The following BABAM2 variants were observed in gnomAD, a reference collection of about 807,000 sequenced individuals.
BABAM2 encodes BRISC and BRCA1 A complex member 2.
BABAM2 carries 31 observed loss-of-function variants against 54.7 expected under a neutral mutation model. The observed-to-expected ratio is 0.57, with a 90% CI of 0.43 to 0.77. BABAM2 has a LOEUF of 0.77. Ranked by LOEUF, BABAM2 falls within the 30% of genes least tolerant of loss-of-function variation. BABAM2 has a pLI of 0.00. For synonymous variants in BABAM2, 167 were observed against 162.9 expected (o/e 1.03, Z -0.19); for missense variants, 364 against 455.8 (o/e 0.80, Z 1.83).
intron 7 of BABAM2, among the ~76,000 whole-genome samples, chr2:28,213,055 T>C (rs989817050): frequency 1.3e-5 from 2 of 152,022 alleles, no homozygotes. Flanking sequence ...AGACCCTGTC[T>C]CTACAAACAA....
chr2:28,245,748 T>C (rs1226164586), intron 10 of BABAM2, among the ~76,000 whole-genome samples: 1 of 152,170 alleles, frequency 6.6e-6, no homozygotes, highest in African/African-American at 2.4e-5. Flanking sequence ...CCCATGGCTT[T>C]TAGAACTTAC....
At chr2:27,897,236 T>C (rs917505186) in intron 2 of BABAM2, 1 of 151,526 alleles carries the variant, frequency 6.6e-6, no homozygotes, top group South Asian at 2.1e-4. Flanking sequence ...TTCTCCTTGT[T>C]AGACTGTTTT....
upstream of BABAM2, chr2:27,890,333 C>A (rs901583294): frequency 1.2e-6 from 2 of 1,613,600 alleles, no homozygotes; most frequent in South Asian, 2.2e-5. This position sits in a 1 kb window ranked among gnomAD's most constrained non-coding sequence, Gnocchi z 4.8. Context: ...TGGGGTTCCC[C>A]AGACGCCGCC....
intron 5 of BABAM2, among the ~76,000 whole-genome samples, chr2:28,043,187 G>A (rs1377195791): frequency 2.7e-5 from 4 of 150,218 alleles, no homozygotes; most frequent in Admixed American, 2.6e-4. Context: ...AGAGTGCAGT[G>A]GTGTGATCTT....
At chr2:28,219,912 T>G (rs1680242479) in intron 7 of BABAM2, among the ~76,000 whole-genome samples, 1 of 152,038 alleles carries the variant, frequency 6.6e-6, no homozygotes, top group African/African-American at 2.4e-5. Flanking sequence ...GGGACTTTGG[T>G]GAGAAAAATC....
At chr2:27,960,853 A>G (rs943939847) in intron 3 of BABAM2, among the ~76,000 whole-genome samples, 2 of 152,220 alleles carry the variant, frequency 1.3e-5, no homozygotes, top group Admixed American at 6.5e-5. Context: ...TTATCATACA[A>G]TAATAACCTG....
At chr2:28,183,519 G>C (rs1675869654) in intron 7 of BABAM2, among the ~76,000 whole-genome samples, 1 of 152,132 alleles carries the variant, frequency 6.6e-6, no homozygotes, top group African/African-American at 2.4e-5. Flanking sequence ...AAGTAAGCGA[G>C]CAATAGCTGC....
intron 6 of BABAM2, among the ~76,000 whole-genome samples, chr2:28,115,763 A>G (rs1668561370): frequency 6.6e-6 from 1 of 152,084 alleles, no homozygotes; most frequent in African/African-American, 2.4e-5. Flanking sequence ...TGATGGAGTG[A>G]TGACATGGAG....
At chr2:28,130,896 C>A (rs879711331) in intron 7 of BABAM2, among the ~76,000 whole-genome samples, 13 of 151,820 alleles carry the variant, frequency 8.6e-5, no homozygotes, top group Admixed American at 3.9e-4. Context: ...CCAGCCACCA[C>A]GCCCAGCTAA....
At chr2:28,131,763 G>A (rs529368768) in intron 7 of BABAM2, among the ~76,000 whole-genome samples, 1 of 152,280 alleles carries the variant, frequency 6.6e-6, no homozygotes, top group South Asian at 2.1e-4. Context: ...AAAAGGAGAG[G>A]ATGGGTAAAT....
chr2:28,207,436 C>T (rs1205418090), intron 7 of BABAM2, among the ~76,000 whole-genome samples: 1 of 151,976 alleles, frequency 6.6e-6, no homozygotes, highest in Non-Finnish European at 1.5e-5. Flanking sequence ...TGGCGTGCAC[C>T]TATAGTCCCA....
intron 6 of BABAM2, among the ~76,000 whole-genome samples, chr2:28,111,134 A>ATT (rs1334594801): frequency 0.017 from 1,707 of 101,856 alleles, 20 homozygotes; most frequent in South Asian, 0.053. Flanking sequence ...ACGCCTGGCT[A>ATT]TTTTTTTTTT....
chr2:28,076,226 A>T lies in BABAM2; in HGVS notation c.570+30427A>T, dbSNP rs1228635272. 6.6e-5 allele frequency among the ~76,000 whole-genome samples: 10 copies of T among 152,102 alleles called. 1 individual carries two copies. Among genetic ancestry groups the T allele is most frequent in the Admixed American group, 5.2e-4 (8 of 15,270 alleles). ...GAGGTCAAGGCTGCAGTGAGCTGTG[A>T]TGGCACCACTGTACTCCAGCCTGGG... On this transcript the variant is annotated intron_variant, in intron 6 of 11. Transcript: ENST00000379624.
chr2:27,945,880 C>G (rs1669262967), intron 3 of BABAM2, among the ~76,000 whole-genome samples: 1 of 151,290 alleles, frequency 6.6e-6, no homozygotes, highest in Non-Finnish European at 1.5e-5. Context: ...TATGCTGATG[C>G]TGCTATGTCC....
At chr2:28,315,117 G>A (rs1224639927) in intron 11 of BABAM2, among the ~76,000 whole-genome samples, 2 of 133,798 alleles carry the variant, frequency 1.5e-5, no homozygotes, top group Non-Finnish European at 3.5e-5. Context: ...GGGGAAAAGG[G>A]GAAGGGAAGG....
intron 6 of BABAM2, among the ~76,000 whole-genome samples, chr2:28,056,752 C>A (rs1678458303): frequency 6.6e-6 from 1 of 152,214 alleles, no homozygotes; most frequent in Non-Finnish European, 1.5e-5. Context: ...CCACTAAATA[C>A]AGCAACTAAA....
intron 10 of BABAM2, among the ~76,000 whole-genome samples, chr2:28,265,065 G>A (rs1684861701): frequency 2.0e-5 from 3 of 152,198 alleles, no homozygotes. Flanking sequence ...GAAGGAGTGG[G>A]AGTAAGGACT....
At chr2:28,061,722 A>G (rs537583685) in intron 6 of BABAM2, among the ~76,000 whole-genome samples, 1 of 152,204 alleles carries the variant, frequency 6.6e-6, no homozygotes, top group African/African-American at 2.4e-5. Flanking sequence ...ACCTAAAAGT[A>G]AAACCTGAAA....
intron 11 of BABAM2, chr2:28,309,893 GACTGAGGTCACCA>G: frequency 1.7e-6 from 1 of 582,528 alleles, no homozygotes; most frequent in Non-Finnish European, 3.1e-6. Context: ...AGGAATTGGG[GACTGAGGTCACCA>G]AGGCCTTCCA....
Sources: allele counts gnomAD v4.1 joint callset (sites outside exome capture counted in the v4.1 genomes callset), GRCh38; gene constraint gnomAD v4.1.1; non-coding constraint Gnocchi (gnomAD v3.1); transcripts MANE v1.5; gene names NCBI Gene and HGNC (gene_info 2026-07-23, HGNC 2026-07-21).